The following MCMDC2 variants were observed in gnomAD, a reference collection of about 807,000 sequenced individuals.
The protein encoded by MCMDC2 is minichromosome maintenance domain-containing protein 2.
A neutral mutation model predicts 75.8 loss-of-function variants in MCMDC2; 54 were observed. The ratio of observed to expected loss-of-function variants is 0.71; its 90% CI spans 0.57 to 0.89. MCMDC2 has a LOEUF of 0.89. Ranked by LOEUF, MCMDC2 falls within the 40% of genes least tolerant of loss-of-function variation. The pLI is 0.00. For synonymous variants in MCMDC2, 249 were observed against 274.6 expected (o/e 0.91, Z 0.92); for missense variants, 656 against 780.4 (o/e 0.84, Z 1.90).
intron 9 of MCMDC2, among the ~76,000 whole-genome samples, chr8:66,885,817 T>C (rs1811811035): frequency 6.6e-6 from 1 of 152,210 alleles, no homozygotes; most frequent in South Asian, 2.1e-4. Context: ...TCTGTCACCA[T>C]AGATTAATTT....
chr8:66,901,633 T>C, intron 13 of MCMDC2: 1 of 1,085,974 alleles, frequency 9.2e-7, no homozygotes, highest in Non-Finnish European at 1.1e-6. Context: ...ATCCTTGTTT[T>C]TAAAAATGTG....
At chr8:66,906,243 A>G (rs1052807374) in intron 14 of MCMDC2, among the ~76,000 whole-genome samples, 1 of 152,198 alleles carries the variant, frequency 6.6e-6, no homozygotes, top group Non-Finnish European at 1.5e-5. Flanking sequence ...TAGCGATACC[A>G]TTCTTCAAAC....
intron 1 of MCMDC2, among the ~76,000 whole-genome samples, chr8:66,872,978 A>C (rs1300738700): frequency 6.6e-6 from 1 of 151,270 alleles, no homozygotes; most frequent in African/African-American, 2.4e-5. Context: ...AAAAAAAAAA[A>C]ACAACCTGGT....
intron 12 of MCMDC2, among the ~76,000 whole-genome samples, chr8:66,897,412 AAAAAAAAAG>A (rs1258447831): frequency 4.7e-5 from 7 of 149,634 alleles, no homozygotes; most frequent in Admixed American, 1.4e-4. Context: ...GTCTCAAAAA[AAAAAAAAAG>A]AAAAAAAGAA....
Position 66,877,432 on chromosome 8 carries a change from A to G in MCMDC2, c.369A>G (p.Thr123=), listed in dbSNP as rs1289544112. Reference sequence around the variant, plus strand: ...TTTGTGAGTTTCCACTTGATTATACATCTCAGAGATTTTATATGATGCAAG... The same window carrying G: ...TTTGTGAGTTTCCACTTGATTATACGTCTCAGAGATTTTATATGATGCAAG... ...LDLCEFPLDY[T]SQRFYMMQGI... Residue 123 remains threonine, a synonymous_variant, in exon 5 of 15, where the codon ACA becomes ACG. Coordinates refer to ENST00000422365, the MANE Select transcript of MCMDC2 (RefSeq NM_173518.5). 1 of 1,613,042 alleles carries G rather than the reference A, an allele frequency of 6.2e-7. No individual in the cohort carries two copies. The highest frequency in any genetic ancestry group is 1.7e-5 in the Admixed American group (1 of 59,846).
downstream of MCMDC2, among the ~76,000 whole-genome samples, chr8:66,925,124 G>A (rs1369784549): frequency 2.0e-5 from 3 of 152,208 alleles, no homozygotes; most frequent in Non-Finnish European, 4.4e-5. Flanking sequence ...GAAGCCTCCC[G>A]ACGGTCCCTT....
At chr8:66,907,782 G>A (rs1370399436) in intron 14 of MCMDC2, among the ~76,000 whole-genome samples, 1 of 152,156 alleles carries the variant, frequency 6.6e-6, no homozygotes, top group Non-Finnish European at 1.5e-5. Flanking sequence ...GTTGTGAGAT[G>A]ATATCTCATT....
chr8:66,910,513 C>CT (rs1813064594), intron 14 of MCMDC2, among the ~76,000 whole-genome samples: 1 of 152,154 alleles, frequency 6.6e-6, no homozygotes, highest in Non-Finnish European at 1.5e-5. Context: ...CATTTTGGAA[C>CT]TTTAAGATTT....
intron 9 of MCMDC2, among the ~76,000 whole-genome samples, chr8:66,888,480 A>C (rs989472277): frequency 2.6e-5 from 4 of 152,182 alleles, no homozygotes; most frequent in Non-Finnish European, 4.4e-5. Context: ...TTAACATCTT[A>C]ATAATATTGA....
chr8:66,894,149 A>G (rs1812235850), intron 10 of MCMDC2, among the ~76,000 whole-genome samples: 4 of 152,214 alleles, frequency 2.6e-5, no homozygotes, highest in South Asian at 4.1e-4. Flanking sequence ...CTGGACTCCC[A>G]TGTGTCATGG....
intron 12 of MCMDC2, among the ~76,000 whole-genome samples, chr8:66,899,035 G>A (rs559228149): frequency 7.2e-5 from 11 of 152,354 alleles, no homozygotes; most frequent in African/African-American, 2.6e-4. Flanking sequence ...CTGTAAAATA[G>A]TAAAAAGTGA....
In MCMDC2 at chr8:66,919,252, C is replaced by A; in HGVS notation, c.*83C>A. 1 of 1,070,268 alleles carries A rather than the reference C, an allele frequency of 9.3e-7. No individual in the cohort carries two copies. The highest frequency in any genetic ancestry group is 1.3e-6 in the Non-Finnish European group (1 of 747,178). 66.3% of individuals were successfully genotyped at this position (1,070,268 alleles called of 1,614,324 possible). A position where few individuals can be genotyped will look rare whatever the true frequency, so the allele number is the denominator to read the frequency against. On this transcript the variant is annotated 3_prime_UTR_variant, in exon 15 of 15. Coordinates refer to ENST00000422365, the MANE Select transcript of MCMDC2 (RefSeq NM_173518.5). The stretch of plus-strand genomic sequence containing the variant: ...TTTTGAGAGTGACTTTGAAGTAATG[C>A]TTTGATAATACTCTGTACAGGAATA...
chr8:66,888,180 A>G (rs754805641), intron 9 of MCMDC2, among the ~76,000 whole-genome samples: 17 of 152,198 alleles, frequency 1.1e-4, no homozygotes, highest in African/African-American at 4.1e-4. Flanking sequence ...TCTTGGGTTC[A>G]AGTGATCCAC....
At chr8:66,907,884 G>T (rs1343435594) in intron 14 of MCMDC2, among the ~76,000 whole-genome samples, 1 of 151,796 alleles carries the variant, frequency 6.6e-6, no homozygotes, top group Non-Finnish European at 1.5e-5. Flanking sequence ...TTTTGAGAAG[G>T]GTCTGTTCAT....
At chr8:66,916,974 A>T (rs1813346811) in intron 14 of MCMDC2, among the ~76,000 whole-genome samples, 1 of 152,178 alleles carries the variant, frequency 6.6e-6, no homozygotes, top group Non-Finnish European at 1.5e-5. Context: ...GCAAAGTGCT[A>T]AGAGCTGCTG....
chr8:66,874,677 A>G (rs1167332581), intron 4 of MCMDC2, 91 bp downstream of exon 4: 2 of 1,119,072 alleles, frequency 1.8e-6, no homozygotes, highest in Admixed American at 5.6e-5. Flanking sequence ...CTTTTTATTT[A>G]AAAGGATACT....
chr8:66,871,327 T>C (rs1811006818), intron 1 of MCMDC2, among the ~76,000 whole-genome samples: 1 of 152,070 alleles, frequency 6.6e-6, no homozygotes, highest in Admixed American at 6.6e-5. Context: ...TTTCCTCATG[T>C]CCTTAACACT....
intron 14 of MCMDC2, among the ~76,000 whole-genome samples, chr8:66,916,292 A>G (rs1813317272): frequency 6.6e-6 from 1 of 152,196 alleles, no homozygotes; most frequent in African/African-American, 2.4e-5. Flanking sequence ...TGGCCATTTT[A>G]CAGATGGGAA....
chr8:66,911,311 C>T (rs1336631312), intron 14 of MCMDC2, among the ~76,000 whole-genome samples: 2 of 152,184 alleles, frequency 1.3e-5, no homozygotes, highest in African/African-American at 4.8e-5. Context: ...TTCCCCTTCA[C>T]TTGGCACTTC....
Sources: allele counts gnomAD v4.1 joint callset (sites outside exome capture counted in the v4.1 genomes callset), GRCh38; gene constraint gnomAD v4.1.1; transcripts MANE v1.5; gene names NCBI Gene and HGNC (gene_info 2026-07-23, HGNC 2026-07-21).